The following ARHGAP18 variants were observed in gnomAD, a reference collection of about 807,000 sequenced individuals.
ARHGAP18 encodes rho GTPase-activating protein 18.
In ARHGAP18, 67 loss-of-function variants were observed where a neutral mutation model predicts 86.2. The ratio of observed to expected loss-of-function variants is 0.78; its 90% confidence interval spans 0.64 to 0.95. The LOEUF (loss-of-function observed/expected upper bound fraction) is 0.95. ARHGAP18 is among the 40% of genes least tolerant of loss of function. ARHGAP18 has a pLI of 0.00. For synonymous variants in ARHGAP18, 283 were observed against 280.4 expected (o/e 1.01, Z -0.09); for missense variants, 691 against 780.4 (o/e 0.89, Z 1.37).
At chr6:129,632,148 C>T (rs1240378183) in intron 4 of ARHGAP18, among the ~76,000 whole-genome samples, 4 of 152,180 alleles carry the variant, frequency 2.6e-5, no homozygotes, top group African/African-American at 9.7e-5. Context: ...TCATCCTGAA[C>T]TTTCCAATGT....
At chr6:129,680,178 T>C (rs1279278567) in intron 1 of ARHGAP18, among the ~76,000 whole-genome samples, 2 of 152,150 alleles carry the variant, frequency 1.3e-5, no homozygotes, top group Non-Finnish European at 2.9e-5. Context: ...TTCTGTGAAT[T>C]AGGACCTTTT....
intron 1 of ARHGAP18, among the ~76,000 whole-genome samples, chr6:129,679,147 A>G (rs1416084452): frequency 3.3e-5 from 5 of 152,078 alleles, no homozygotes; most frequent in African/African-American, 1.2e-4. Context: ...ACACACTTTA[A>G]AGTACATTTT....
intron 1 of ARHGAP18, among the ~76,000 whole-genome samples, chr6:129,644,079 AGCAACCTTGGGGTG>A (rs1306759665): frequency 6.6e-6 from 1 of 152,226 alleles, no homozygotes; most frequent in Non-Finnish European, 1.5e-5. Context: ...TCTCCCCAGT[AGCAACCTTGGGGTG>A]GCGATGGGTG....
At chr6:129,604,829 G>A (rs531578678) in intron 10 of ARHGAP18, among the ~76,000 whole-genome samples, 19 of 152,274 alleles carry the variant, frequency 1.2e-4, no homozygotes, top group African/African-American at 4.3e-4. Flanking sequence ...TGTAGCGGAC[G>A]TAGCGTTTTA....
chr6:129,639,652 G>A (rs148336751), intron 2 of ARHGAP18, among the ~76,000 whole-genome samples: 128 of 152,228 alleles, frequency 8.4e-4, no homozygotes, highest in Non-Finnish European at 1.6e-3. Context: ...ACTTCTTGAC[G>A]GCAGAAATCA....
In ARHGAP18 at chr6:129,600,664, T is replaced by C; in HGVS notation, c.1550A>G (p.Lys517Arg). The change falls in exon 11 of 15, where the codon AAG (lysine) becomes AGG (arginine). Residue 517 changes from lysine to arginine, a missense_variant. By Grantham distance (26) the Lys-to-Arg change is conservative (BLOSUM62 2). Coordinates refer to ENST00000368149, the MANE Select transcript of ARHGAP18 (RefSeq NM_033515.3). ...TACTGTCCACAGAAGTTTTTGGTAC[T>C]TAATCAATAAGTGCATGGTATTTGC... The part of the protein sequence containing the change: ...GTANTMHLLI[K>R]YQKLLWTIPK... 3.1e-6 allele frequency: 5 copies of C among 1,613,478 alleles called. No homozygotes were observed. The highest frequency in any genetic ancestry group is 4.2e-6 in the Non-Finnish European group (5 of 1,179,606).
chr6:129,581,223 C>T (rs1222929870), intron 13 of ARHGAP18, among the ~76,000 whole-genome samples: 1 of 152,132 alleles, frequency 6.6e-6, no homozygotes, highest in Non-Finnish European at 1.5e-5. Flanking sequence ...AGCAGCAGCG[C>T]TCCTCACCAC....
chr6:129,641,704 C>G (rs759738830), intron 2 of ARHGAP18, 112 bp downstream of exon 2: 19 of 991,058 alleles, frequency 1.9e-5, no homozygotes, highest in Non-Finnish European at 2.7e-5. Context: ...AAGGCAGTAT[C>G]TTTTTTTGGT....
At chr6:129,633,319 C>T (rs1483045052) in intron 4 of ARHGAP18, among the ~76,000 whole-genome samples, 3 of 150,274 alleles carry the variant, frequency 2.0e-5, no homozygotes, top group Admixed American at 1.3e-4. Context: ...CCTGTAATCC[C>T]AGCTACTGGG....
rs552020443 is a variant in ARHGAP18 at position 129,674,762 on chromosome 6, C to A, written c.114-32744G>T. On this transcript the variant is annotated intron_variant, in intron 1 of 14. Transcript: ENST00000368149. ...CTCAGGGGTTCCTGGAATCAATCCC[C>A]CATGGATACCAAGTGAGGACTGTTT... Among the ~76,000 whole-genome samples, 4 of 152,232 alleles carry A rather than the reference C, an allele frequency of 2.6e-5. No homozygotes were observed. In the South Asian group the frequency reaches 8.3e-4, roughly 32 times the overall value.
Position 129,616,304 on chromosome 6 carries a change from C to G in ARHGAP18, c.953-1G>C. The G allele has an allele frequency of 6.2e-7, 1 of 1,604,778 alleles. No homozygotes were observed. The highest frequency in any genetic ancestry group is 2.2e-5 in the East Asian group (1 of 44,754). ...AATGGAACGCAAAAAAGACCAGAAT[C>G]TGCAAGAAAAAAAATGAAATTTCCT... On this transcript the variant is annotated splice_acceptor_variant, in intron 6 of 14. Coordinates refer to ENST00000368149, the MANE Select transcript of ARHGAP18 (RefSeq NM_033515.3). LOFTEE classifies it high-confidence loss of function.
At chr6:129,656,336 T>C (rs1773836092) in intron 1 of ARHGAP18, among the ~76,000 whole-genome samples, 2 of 152,164 alleles carry the variant, frequency 1.3e-5, no homozygotes, top group African/African-American at 4.8e-5. Context: ...TGCCAAAAAG[T>C]GCTTAAAAAT....
At chr6:129,593,608 G>A (rs946205162) in intron 12 of ARHGAP18, among the ~76,000 whole-genome samples, 2 of 152,110 alleles carry the variant, frequency 1.3e-5, no homozygotes, top group Non-Finnish European at 2.9e-5. Flanking sequence ...ACACTCACTC[G>A]TGGCAGAGCT....
intron 1 of ARHGAP18, among the ~76,000 whole-genome samples, chr6:129,669,234 A>C (rs1250384464): frequency 6.6e-6 from 1 of 150,648 alleles, no homozygotes; most frequent in Non-Finnish European, 1.5e-5. Context: ...TGCAATGGCG[A>C]GGTCACGGCT....
intron 6 of ARHGAP18, among the ~76,000 whole-genome samples, chr6:129,616,662 T>C (rs572728546): frequency 6.6e-6 from 1 of 152,268 alleles, no homozygotes; most frequent in African/African-American, 2.4e-5. Context: ...TAAAAGCAAA[T>C]ATTGGCCAGG....
intron 12 of ARHGAP18, among the ~76,000 whole-genome samples, chr6:129,596,282 C>T (rs1275480956): frequency 1.3e-5 from 2 of 152,114 alleles, no homozygotes; most frequent in East Asian, 1.9e-4. Context: ...CAGCTACACT[C>T]ACTCCTTAAG....
At chr6:129,623,611 A>G (rs919502029) in intron 5 of ARHGAP18, among the ~76,000 whole-genome samples, 3 of 152,230 alleles carry the variant, frequency 2.0e-5, no homozygotes, top group African/African-American at 7.2e-5. Context: ...AGCATGGAAC[A>G]GAAATGGAAC....
chr6:129,672,645 C>G (rs1322070675), intron 1 of ARHGAP18, among the ~76,000 whole-genome samples: 1 of 152,214 alleles, frequency 6.6e-6, no homozygotes, highest in African/African-American at 2.4e-5. Flanking sequence ...CCCCAGTATG[C>G]TGAGCTAATG....
At chr6:129,696,837 G>C (rs1211246426) in intron 1 of ARHGAP18, among the ~76,000 whole-genome samples, 1 of 152,130 alleles carries the variant, frequency 6.6e-6, no homozygotes, top group Non-Finnish European at 1.5e-5. Flanking sequence ...GGCAGGTAAG[G>C]CCAGATACAA....
Sources: allele counts gnomAD v4.1 joint callset (sites outside exome capture counted in the v4.1 genomes callset), GRCh38; gene constraint gnomAD v4.1.1; transcripts MANE v1.5; gene names NCBI Gene and HGNC (gene_info 2026-07-23, HGNC 2026-07-21).